The following SH3RF3 variants were observed in gnomAD, a reference collection of about 807,000 sequenced individuals.
SH3RF3 encodes SH3 domain containing ring finger 3, also known as E3 ubiquitin-protein ligase SH3RF3.
Under a neutral mutation model 66.3 loss-of-function variants are expected in SH3RF3, and 29 were observed. That is an observed-to-expected ratio of 0.44 (90% CI 0.33 to 0.60). The LOEUF is 0.60. Ranked by LOEUF, SH3RF3 falls within the 20% of genes least tolerant of loss-of-function variation. The pLI is 0.04. For synonymous variants in SH3RF3, 583 were observed against 532.0 expected, an observed-to-expected ratio of 1.10 and a Z score of -1.32; for missense variants, 1,194 against 1,190.9, an observed-to-expected ratio of 1.00 and a Z score of -0.04.
intron 1 of SH3RF3, among the ~76,000 whole-genome samples, chr2:109,207,036 G>A (rs1432501304): frequency 6.6e-6 from 1 of 152,172 alleles, no homozygotes. Flanking sequence ...CAGGGCCTGA[G>A]GCAGAACCTG....
intron 8 of SH3RF3, among the ~76,000 whole-genome samples, chr2:109,461,801 C>G (rs948995881): frequency 5.9e-5 from 9 of 152,220 alleles, no homozygotes; most frequent in Non-Finnish European, 2.9e-5. Flanking sequence ...GCAGCCTGGA[C>G]CTGTTGCAGA....
chr2:109,482,741 G>A (rs1345698476), intron 8 of SH3RF3, among the ~76,000 whole-genome samples: 1 of 152,198 alleles, frequency 6.6e-6, no homozygotes, highest in African/African-American at 2.4e-5. Context: ...TTCCTCTCCT[G>A]CAGGAGGAAG....
rs547867117 is a variant in SH3RF3, at chr2:109,274,700, A to G, written c.574-72974A>G. Among the ~76,000 whole-genome samples, 9 of 152,338 alleles carry G rather than the reference A, an allele frequency of 5.9e-5. No individual in the cohort carries two copies. The South Asian group carries it at 1.9e-3, about 32-fold the overall frequency. On this transcript the variant is annotated intron_variant, in intron 1 of 9. Coordinates refer to ENST00000309415, the MANE Select transcript of SH3RF3 (RefSeq NM_001099289.3). ...TTTGGGGTGATACAAATGTTCTGAT[A>G]GATAGAGGTCGTGGCTGCATAACAT...
intron 1 of SH3RF3, among the ~76,000 whole-genome samples, chr2:109,188,913 C>A (rs1406985479): frequency 6.6e-6 from 1 of 152,044 alleles, no homozygotes; most frequent in Non-Finnish European, 1.5e-5. Flanking sequence ...TTTAGTCTCA[C>A]AACTTTTTCT....
chr2:109,251,997 C>G (rs1448423762), intron 1 of SH3RF3, among the ~76,000 whole-genome samples: 6 of 152,174 alleles, frequency 3.9e-5, no homozygotes, highest in African/African-American at 1.4e-4. Context: ...AATCCCACCA[C>G]TTTGGGAGGC....
chr2:109,266,566 G>A (rs925995559), intron 1 of SH3RF3, among the ~76,000 whole-genome samples: 1 of 152,064 alleles, frequency 6.6e-6, no homozygotes, highest in Non-Finnish European at 1.5e-5. Flanking sequence ...TGACACCAGG[G>A]ACGTTTTGTG....
At chr2:109,405,222 G>A (rs1676423165) in intron 4 of SH3RF3, among the ~76,000 whole-genome samples, 1 of 152,136 alleles carries the variant, frequency 6.6e-6, no homozygotes, top group Non-Finnish European at 1.5e-5. Flanking sequence ...GCGCATGCCA[G>A]GAGCAACCGA....
intron 5 of SH3RF3, among the ~76,000 whole-genome samples, chr2:109,424,219 T>C (rs1268968694): frequency 6.6e-6 from 1 of 152,064 alleles, no homozygotes; most frequent in African/African-American, 2.4e-5. Flanking sequence ...CCCTGCGGAG[T>C]TTCCCCATTG....
chr2:109,141,740 C>T (rs13023759), intron 1 of SH3RF3, among the ~76,000 whole-genome samples: 30,830 of 152,062 alleles, frequency 0.2, 3,906 homozygotes, highest in Middle Eastern at 0.36. Flanking sequence ...TTCTAGACCC[C>T]GGGGAACAAG....
intron 8 of SH3RF3, among the ~76,000 whole-genome samples, chr2:109,459,859 T>A (rs1354578387): frequency 6.6e-6 from 1 of 152,184 alleles, no homozygotes; most frequent in Admixed American, 6.5e-5. Flanking sequence ...TAATAAGTGG[T>A]GCTTCTCCCA....
chr2:109,134,739 C>T (rs1334548916), intron 1 of SH3RF3, among the ~76,000 whole-genome samples: 3 of 152,134 alleles, frequency 2.0e-5, no homozygotes, highest in Admixed American at 1.3e-4. Context: ...AGGCTCAGCT[C>T]GTTGGTAGCA....
At chr2:109,379,860 G>C (rs987673721) in intron 3 of SH3RF3, among the ~76,000 whole-genome samples, 1 of 152,140 alleles carries the variant, frequency 6.6e-6, no homozygotes, top group Admixed American at 6.5e-5. Context: ...GCACCCAATG[G>C]CGTGTCTCCT....
chr2:109,344,073 T>C (rs1171748706), intron 1 of SH3RF3, among the ~76,000 whole-genome samples: 1 of 152,120 alleles, frequency 6.6e-6, no homozygotes, highest in Non-Finnish European at 1.5e-5. Flanking sequence ...CTTTCCCCCC[T>C]GTATCCCCAT....
At chr2:109,262,754 T>C (rs1021471119) in intron 1 of SH3RF3, among the ~76,000 whole-genome samples, 11 of 152,250 alleles carry the variant, frequency 7.2e-5, no homozygotes, top group African/African-American at 2.7e-4. Flanking sequence ...GGTTCCATTA[T>C]TGGAAAATAT....
intron 8 of SH3RF3, among the ~76,000 whole-genome samples, chr2:109,468,007 A>G (rs1469918196): frequency 6.6e-6 from 1 of 152,234 alleles, no homozygotes. Flanking sequence ...AGCGGAAAAC[A>G]TTTCAGCCCA....
rs368998554 is a variant in SH3RF3, at chr2:109,432,493, G to C, written c.1404-8G>C. 5.0e-6 allele frequency: 8 copies of C among 1,612,760 alleles called. No homozygotes were observed. Among genetic ancestry groups the C allele is most frequent in the Non-Finnish European group, 6.8e-6 (8 of 1,179,582 alleles). On this transcript the variant is annotated splice_polypyrimidine_tract_variant and splice_region_variant and intron_variant, in intron 5 of 9. Transcript: ENST00000309415. ...CCCACTGACACTGGCCCCATGCTTT[G>C]CCCGCAGGTACCTGGCGCTCTACGC...
chr2:109,345,097 G>A (rs1031501614), intron 1 of SH3RF3, among the ~76,000 whole-genome samples: 4 of 152,156 alleles, frequency 2.6e-5, no homozygotes, highest in East Asian at 1.9e-4. Flanking sequence ...TGTGTGTCTC[G>A]CAGTGTCTCT....
At chr2:109,477,159 C>T (rs1187054850) in intron 8 of SH3RF3, among the ~76,000 whole-genome samples, 7 of 152,184 alleles carry the variant, frequency 4.6e-5, no homozygotes, top group Non-Finnish European at 8.8e-5. Context: ...GACAATTGGC[C>T]TGAATGACCG....
At chr2:109,175,721 A>G (rs916910927) in intron 1 of SH3RF3, among the ~76,000 whole-genome samples, 1 of 152,250 alleles carries the variant, frequency 6.6e-6, no homozygotes, top group African/African-American at 2.4e-5. Flanking sequence ...TAGAGTGTAC[A>G]TAAAAATGAA....
Sources: gnomAD v4.1 joint callset for allele counts (sites outside exome capture counted in the v4.1 genomes callset) on GRCh38, gnomAD v4.1.1 for gene constraint, MANE v1.5 for transcripts, NCBI Gene and HGNC (gene_info 2026-07-23, HGNC 2026-07-21) for gene names.